The following MTCL1 variants were observed in gnomAD, a reference collection of about 807,000 sequenced individuals.
The protein encoded by MTCL1 is microtubule cross-linking factor 1.
Under a neutral mutation model 141.4 loss-of-function variants are expected in MTCL1, and 79 were observed. That is an observed-to-expected ratio of 0.56 (90% CI 0.47 to 0.67). The LOEUF is 0.67. MTCL1 is among the 30% of genes least tolerant of loss of function. MTCL1 has a pLI of 0.00. For synonymous variants in MTCL1, 914 were observed against 875.8 expected (o/e 1.04, Z -0.77); for missense variants, 2,177 against 2,113.9 (o/e 1.03, Z -0.59).
intron 11 of MTCL1, among the ~76,000 whole-genome samples, chr18:8,808,610 T>C (rs1363435803): frequency 1.3e-5 from 2 of 152,246 alleles, no homozygotes; most frequent in Non-Finnish European, 2.9e-5. Context: ...GGGATGATGC[T>C]AGCTCATTTG....
At chr18:8,814,649 C>T (rs1231181594) in intron 12 of MTCL1, among the ~76,000 whole-genome samples, 4 of 152,212 alleles carry the variant, frequency 2.6e-5, no homozygotes, top group African/African-American at 4.8e-5. Flanking sequence ...GTCACAGTAA[C>T]TCCAGGCAAC....
chr18:8,769,630 C>T (rs2096476435), intron 4 of MTCL1, among the ~76,000 whole-genome samples: 1 of 152,134 alleles, frequency 6.6e-6, no homozygotes, highest in Non-Finnish European at 1.5e-5. Flanking sequence ...AGGGGGTGTG[C>T]TGGGCATCTG....
chr18:8,706,513 A>T (rs1360452670), exon 1 of MTCL1: 1 of 1,324,826 alleles, frequency 7.5e-7, no homozygotes, highest in Non-Finnish European at 9.6e-7. Context: ...GGGCCGGAGC[A>T]TCCCGAGCGG....
chr18:8,731,718 T>A (rs996857629), intron 4 of MTCL1, among the ~76,000 whole-genome samples: 1 of 151,624 alleles, frequency 6.6e-6, no homozygotes, highest in African/African-American at 2.4e-5. Flanking sequence ...AAAAAAAAAA[T>A]TTTTTTTTGA....
chr18:8,715,091 C>T (rs539867997), upstream of MTCL1, among the ~76,000 whole-genome samples: 73 of 152,306 alleles, frequency 4.8e-4, no homozygotes, highest in African/African-American at 1.7e-3. Context: ...CCACCGCACC[C>T]GGCCCCTAAT....
chr18:8,811,754 C>A (rs988274882), intron 11 of MTCL1, among the ~76,000 whole-genome samples: 1 of 152,092 alleles, frequency 6.6e-6, no homozygotes, highest in Non-Finnish European at 1.5e-5. Context: ...GATACCTATA[C>A]GTATTTACAG....
chr18:8,718,614 G>A (rs957625841), exon 3 of MTCL1: 1 of 1,613,592 alleles, frequency 6.2e-7, no homozygotes, highest in Non-Finnish European at 8.5e-7. Context: ...CAGGTGGATG[G>A]TGAGCTTATT....
At chr18:8,818,217 A>T (rs115310456) in intron 12 of MTCL1, among the ~76,000 whole-genome samples, 1 of 152,352 alleles carries the variant, frequency 6.6e-6, no homozygotes, top group African/African-American at 2.4e-5. Flanking sequence ...CCTGCCTGCA[A>T]ACCAGCAAGC....
intron 4 of MTCL1, among the ~76,000 whole-genome samples, chr18:8,734,181 C>T (rs1007714697): frequency 2.6e-5 from 4 of 151,912 alleles, no homozygotes; most frequent in Non-Finnish European, 5.9e-5. Context: ...GTGTTCCTAG[C>T]CTCTGCCCAC....
upstream of MTCL1, among the ~76,000 whole-genome samples, chr18:8,713,294 CT>C (rs1330703880): frequency 4.6e-5 from 7 of 152,168 alleles, no homozygotes; most frequent in Admixed American, 1.3e-4. Flanking sequence ...CTTAAGTATC[CT>C]CCAGACTTGA....
chr18:8,800,130 G>A (rs1201157055), intron 10 of MTCL1, among the ~76,000 whole-genome samples: 24 of 152,212 alleles, frequency 1.6e-4, no homozygotes, highest in Non-Finnish European at 7.3e-5. Context: ...AACGACAGCT[G>A]GTTCTCTGGG....
At chr18:8,767,576 G>A (rs997377544) in intron 4 of MTCL1, among the ~76,000 whole-genome samples, 5 of 152,178 alleles carry the variant, frequency 3.3e-5, no homozygotes, top group African/African-American at 1.2e-4. Flanking sequence ...AATCCTGCCT[G>A]GGGGTTAATC....
intron 5 of MTCL1, 32 bp downstream of exon 4, chr18:8,777,924 CT>C: frequency 6.3e-7 from 1 of 1,589,074 alleles, no homozygotes; most frequent in Non-Finnish European, 8.6e-7. Context: ...AATGTTACAT[CT>C]CCTATAAGTG....
At chr18:8,706,597 C>T (rs2096059168) in exon 1 of MTCL1, 1 of 1,521,816 alleles carries the variant, frequency 6.6e-7, no homozygotes, top group South Asian at 1.2e-5. Context: ...GCGACCAGTC[C>T]CCGGGACCCC....
chr18:8,801,404 T>G (rs1329406655), intron 10 of MTCL1, among the ~76,000 whole-genome samples: 4 of 152,142 alleles, frequency 2.6e-5, no homozygotes, highest in Non-Finnish European at 5.9e-5. Context: ...ATTCTTCAGT[T>G]TATCCTGCAA....
intron 15 of MTCL1, among the ~76,000 whole-genome samples, chr18:8,827,340 G>A (rs1424899826): frequency 6.6e-6 from 1 of 152,204 alleles, no homozygotes; most frequent in Non-Finnish European, 1.5e-5. Flanking sequence ...TTCCCAGCCT[G>A]GCCCACCAAT....
In MTCL1 at chr18:8,784,088, C is replaced by T. The variant is rs373564262; in HGVS notation, c.976C>T (p.Pro326Ser). The stretch of plus-strand genomic sequence containing the variant: ...GGGCTGGCTAGGAGAGGGTGCAAGT[C>T]CTGGTGCCGGGGGTGGGGCCCCCCT... The change falls in exon 6 of 17, where the codon CCT becomes TCT. Residue 326 changes from proline to serine, a missense_variant. By Grantham distance (74) the Pro-to-Ser change is moderately conservative. Coordinates refer to ENST00000359865, the Ensembl canonical transcript of MTCL1. The T allele has an allele frequency of 1.2e-4, 187 of 1,613,212 alleles. No individual in the cohort carries two copies. The highest frequency in any genetic ancestry group is 1.5e-4 in the Non-Finnish European group (182 of 1,179,966).
At chr18:8,786,115 C>CCG (rs1598655219) in intron 7 of MTCL1, 24 bp downstream of exon 6, 1 of 1,388,264 alleles carries the variant, frequency 7.2e-7, no homozygotes, top group Non-Finnish European at 9.5e-7. Context: ...AGCAATCCCC[C>CCG]CCCCCCGCCC....
intron 11 of MTCL1, among the ~76,000 whole-genome samples, chr18:8,809,253 T>C (rs1302988779): frequency 2.0e-5 from 3 of 152,240 alleles, no homozygotes; most frequent in Admixed American, 2.0e-4. Context: ...GTCTGTAGAC[T>C]GAAATCAGGG....
Sources: gnomAD v4.1 joint callset for allele counts (sites outside exome capture counted in the v4.1 genomes callset) on GRCh38, gnomAD v4.1.1 for gene constraint, MANE v1.5 for transcripts, NCBI Gene and HGNC (gene_info 2026-07-23, HGNC 2026-07-21) for gene names.